Variants in CELF4 observed in about 807,000 individuals in gnomAD.
CELF4 encodes the protein CUGBP Elav-like family member 4.
A neutral mutation model predicts 59.9 loss-of-function variants in CELF4; 18 were observed. The ratio of observed to expected loss-of-function variants is 0.30; its 90% CI spans 0.21 to 0.45. The LOEUF (loss-of-function observed/expected upper bound fraction) is 0.45. Among genes scored for constraint, CELF4 ranks in the 20% least tolerant of loss-of-function variants. The pLI is 1.00. For missense variants in CELF4, 456 were observed against 689.0 expected (o/e 0.66, Z 3.79); for synonymous variants, 261 against 267.1 (o/e 0.98, Z 0.22).
At chr18:37,459,163 T>G (rs182202544) in intron 2 of CELF4, among the ~76,000 whole-genome samples, 1 of 152,346 alleles carries the variant, frequency 6.6e-6, no homozygotes, top group Admixed American at 6.5e-5. Flanking sequence ...TTTTCAAGGA[T>G]GTGGGGCCAT....
intron 7 of CELF4, among the ~76,000 whole-genome samples, chr18:37,272,276 T>C (rs2091618833): frequency 6.6e-6 from 1 of 152,078 alleles, no homozygotes; most frequent in South Asian, 2.1e-4. Context: ...CACTGTAGGA[T>C]CATACAGCAA....
At chr18:37,353,137 C>T (rs2098483631) in intron 2 of CELF4, among the ~76,000 whole-genome samples, 1 of 150,150 alleles carries the variant, frequency 6.7e-6, no homozygotes, top group South Asian at 2.1e-4. Flanking sequence ...AGGAGAATTG[C>T]TTGAACCCGG....
intron 2 of CELF4, among the ~76,000 whole-genome samples, chr18:37,469,343 G>C (rs1484960821): frequency 6.6e-6 from 1 of 152,138 alleles, no homozygotes; most frequent in Non-Finnish European, 1.5e-5. Flanking sequence ...GCATCTGCTG[G>C]GAGGGGGCCG....
chr18:37,338,795 G>T (rs969163518), intron 2 of CELF4, among the ~76,000 whole-genome samples: 11 of 65,362 alleles, frequency 1.7e-4, no homozygotes, highest in African/African-American at 3.7e-4. Flanking sequence ...TGTGTGTGTG[G>T]TGTGTGTGAT....
intron 2 of CELF4, among the ~76,000 whole-genome samples, chr18:37,423,351 C>T (rs998104461): frequency 2.0e-5 from 3 of 152,186 alleles, no homozygotes; most frequent in Non-Finnish European, 2.9e-5. Context: ...GTGGTGCTGA[C>T]TCCTCGGGGG....
intron 3 of CELF4, among the ~76,000 whole-genome samples, chr18:37,310,250 C>A (rs1234356453): frequency 1.3e-5 from 2 of 152,068 alleles, no homozygotes; most frequent in Non-Finnish European, 2.9e-5. Context: ...GGAACTGGGA[C>A]CAGAGGGCTT....
In CELF4 at chr18:37,254,083, G is replaced by T; in HGVS notation, c.1334-145C>A. The T allele has an allele frequency of 2.1e-6, 1 of 479,956 alleles. No individual in the cohort carries two copies. Among genetic ancestry groups the T allele is most frequent in the Non-Finnish European group, 3.0e-6 (1 of 331,384 alleles). The allele number at this position is 479,956 out of a possible 1,614,324, so 29.7% of individuals were successfully genotyped here. A position where few individuals can be genotyped will look rare whatever the true frequency, so the allele number is the denominator to read the frequency against. ...CGCCCCCGGCCCCGCCCCGGTGCCC[G>T]CCCCTCTCCAGCCCGCGCGCGCGTG... On this transcript the variant is annotated intron_variant, in intron 11 of 12. Transcript: ENST00000420428. This position sits in a 1 kb window ranked among gnomAD's most constrained non-coding sequence, Gnocchi z 5.1.
chr18:37,267,612 T>C (rs116999168), intron 8 of CELF4, among the ~76,000 whole-genome samples: 3,176 of 152,318 alleles, frequency 0.021, 50 homozygotes, highest in Non-Finnish European at 0.035. Flanking sequence ...TCTGGGCTTA[T>C]CCGCCTGTCA....
chr18:37,276,231 G>A (rs2093227511), intron 3 of CELF4: 1 of 152,234 alleles, frequency 6.6e-6, no homozygotes, highest in African/African-American at 2.4e-5. Flanking sequence ...GGGAGACAAA[G>A]CATGCACGCA....
chr18:37,468,069 TG>T (rs1420927062), intron 2 of CELF4, among the ~76,000 whole-genome samples: 2 of 152,238 alleles, frequency 1.3e-5, no homozygotes, highest in African/African-American at 4.8e-5. Flanking sequence ...ATATTCTACA[TG>T]GGCCTTTGCA....
intron 1 of CELF4, among the ~76,000 whole-genome samples, chr18:37,518,656 C>T (rs1375652267): frequency 6.6e-6 from 1 of 152,138 alleles, no homozygotes; most frequent in African/African-American, 2.4e-5. Context: ...AGAGCACCCT[C>T]CCATCCCCAA....
At chr18:37,295,252 T>C (rs1368394180) in intron 3 of CELF4, among the ~76,000 whole-genome samples, 1 of 152,240 alleles carries the variant, frequency 6.6e-6, no homozygotes, top group Non-Finnish European at 1.5e-5. Flanking sequence ...TTTCCTCTTA[T>C]TGTTTTCCTC....
intron 2 of CELF4, among the ~76,000 whole-genome samples, chr18:37,390,756 C>G (rs1246156047): frequency 7.6e-6 from 1 of 132,148 alleles, no homozygotes; most frequent in Non-Finnish European, 1.5e-5. Flanking sequence ...GGTGGACTAC[C>G]TGCTGAAGAG....
intron 1 of CELF4, among the ~76,000 whole-genome samples, chr18:37,486,728 G>A (rs1181123980): frequency 1.3e-5 from 2 of 152,194 alleles, no homozygotes; most frequent in African/African-American, 4.8e-5. Context: ...GGCACCCTGT[G>A]GAATGGCTGC....
At chr18:37,247,599 G>T (rs1214718958) in intron 12 of CELF4, 2 of 152,242 alleles carry the variant, frequency 1.3e-5, no homozygotes, top group East Asian at 3.9e-4. Context: ...GAGGAAGCCA[G>T]CAGACAAACA....
At chr18:37,390,307 TG>T (rs1764358156) in intron 2 of CELF4, among the ~76,000 whole-genome samples, 1 of 152,162 alleles carries the variant, frequency 6.6e-6, no homozygotes, top group South Asian at 2.1e-4. Context: ...CCCAGAGCCC[TG>T]GGGATGAGAG....
At chr18:37,444,652 A>ACACACACACACG (rs71168259) in intron 2 of CELF4, among the ~76,000 whole-genome samples, 47 of 144,178 alleles carry the variant, frequency 3.3e-4, no homozygotes, top group African/African-American at 1.2e-3. Context: ...ACACACACAC[A>ACACACACACACG]CGCGAACGAT....
chr18:37,351,476 G>C (rs1239045921), intron 2 of CELF4, among the ~76,000 whole-genome samples: 1 of 152,116 alleles, frequency 6.6e-6, no homozygotes, highest in Non-Finnish European at 1.5e-5. Context: ...CTGGTCATCT[G>C]TGTCCTCAAC....
chr18:37,329,853 G>A (rs1399893252), intron 2 of CELF4, among the ~76,000 whole-genome samples: 1 of 152,224 alleles, frequency 6.6e-6, no homozygotes, highest in Non-Finnish European at 1.5e-5. Flanking sequence ...GTGGCCACAT[G>A]GGGTGGCCTG....
Sources: allele counts gnomAD v4.1 joint callset (sites outside exome capture counted in the v4.1 genomes callset), GRCh38; gene constraint gnomAD v4.1.1; non-coding constraint Gnocchi (gnomAD v3.1); transcripts MANE v1.5; gene names NCBI Gene and HGNC (gene_info 2026-07-23, HGNC 2026-07-21).